The following FAM83H variants were observed in gnomAD, a reference collection of about 807,000 sequenced individuals.
FAM83H encodes scaffolding CK1 anchoring protein H, also known as protein FAM83H.
A neutral mutation model predicts 30.2 loss-of-function variants in FAM83H; 24 were observed. The ratio of observed to expected loss-of-function variants is 0.79; its 90% CI spans 0.57 to 1.12. The LOEUF (loss-of-function observed/expected upper bound fraction) is 1.12. Among genes scored for constraint, FAM83H ranks in the 50% most tolerant of loss-of-function variants. FAM83H has a pLI of 0.00. For missense variants in FAM83H, 2,038 were observed against 1,773.9 expected (o/e 1.15, Z -2.67); for synonymous variants, 1,013 against 821.7 (o/e 1.23, Z -3.98).
chr8:143,730,305 C>T lies in FAM83H; in HGVS notation c.278G>A (p.Gly93Asp), dbSNP rs782144279. 3.1e-6 allele frequency: 5 copies of T among 1,613,586 alleles called. No individual in the cohort carries two copies. Among genetic ancestry groups the T allele is most frequent in the East Asian group, 2.2e-5 (1 of 44,890 alleles). The change falls in exon 2 of 5, where the codon GGT becomes GAT. Residue 93 changes from glycine to aspartate, a missense_variant. Gly to Asp is a moderately conservative substitution (Grantham distance 94, BLOSUM62 -1). Transcript: ENST00000388913. Reference protein sequence around the residue: ...LLDVDMDGSSGTYWPVNSDQA... With the variant: ...LLDVDMDGSSDTYWPVNSDQA... ...GTCTGAGTTCACTGGCCAGTATGTACCCGAGGAGCCATCCATGTCCACGTC... is the reference window on the plus strand; with the variant it reads ...GTCTGAGTTCACTGGCCAGTATGTATCCGAGGAGCCATCCATGTCCACGTC...
At position 143,727,156 on chromosome 8, in the gene FAM83H, A is replaced by G. The variant is rs1818329952; in HGVS notation, c.2305T>C (p.Trp769Arg). ...SHSKAVVSQAWREEVAAPGAV... is the reference protein window; with the variant it reads ...SHSKAVVSQARREEVAAPGAV... The stretch of plus-strand genomic sequence containing the variant: ...CCTGGGGCCGCCACCTCTTCCCGCC[A>G]CGCCTGGGACACGACGGCCTTGCTG... The change falls in exon 5 of 5, where the codon TGG becomes CGG. Residue 769 changes from tryptophan (W) to arginine (R), a missense_variant. Coordinates refer to ENST00000388913, the MANE Select transcript of FAM83H (RefSeq NM_198488.5). The G allele has an allele frequency of 6.5e-7, 1 of 1,534,336 alleles. No homozygotes were observed. The highest frequency in any genetic ancestry group is 1.2e-5 in the South Asian group (1 of 84,046).
At position 143,727,800 on chromosome 8, in the gene FAM83H, G is replaced by A. The variant is rs1175442959; in HGVS notation, c.1661C>T (p.Ala554Val). ...GGGAGCGGGGTCTGGGCCCGGCCTC[G>A]CCGCGGCCTGGCATGGGAAGCGCTG... ...LTQRFPCQAA[A>V]RPGPDPAPEA... Residue 554 changes from alanine (A) to valine (V), a missense_variant, in exon 5 of 5, where the codon GCG becomes GTG. By Grantham distance (64) the Ala-to-Val change is moderately conservative (BLOSUM62 0). Coordinates refer to ENST00000388913, the MANE Select transcript of FAM83H (RefSeq NM_198488.5). 1.1e-4 allele frequency: 150 copies of A among 1,343,430 alleles called. No individual in the cohort carries two copies. The highest frequency in any genetic ancestry group is 1.4e-4 in the Non-Finnish European group (143 of 1,056,858). 83.2% of individuals were successfully genotyped at this position (1,343,430 alleles called of 1,614,324 possible). A position where few individuals can be genotyped will look rare whatever the true frequency, so the allele number is the denominator to read the frequency against.
chr8:143,733,415 G>C lies in FAM83H; in HGVS notation c.-16+276C>G, dbSNP rs552147369. Among the ~76,000 whole-genome samples the C allele has an allele frequency of 2.0e-4, 30 of 152,276 alleles. No individual in the cohort carries two copies. The East Asian group carries it at 5.0e-3, about 26-fold the overall frequency. On this transcript the variant is annotated intron_variant, in intron 1 of 4. Transcript: ENST00000388913. This position sits in a 1 kb window ranked among gnomAD's most constrained non-coding sequence, Gnocchi z 5.6. ...CGAGTCGGGACGGCCGGGCAGGCTC[G>C]ACCCGGATCCCGGGCCCCTTCCCCC...
chr8:143,731,677 T>C, intron 1 of FAM83H: 1 of 985,470 alleles, frequency 1.0e-6, no homozygotes, highest in South Asian at 4.7e-5. Context: ...CTGCAGGGCC[T>C]GCACTCCACA....
In FAM83H at chr8:143,727,538, C is replaced by T. The variant is rs782271166; in HGVS notation, c.1923G>A (p.Pro641=). 4.0e-5 allele frequency: 63 copies of T among 1,584,962 alleles called. No individual in the cohort carries two copies. Among genetic ancestry groups the T allele is most frequent in the Admixed American group, 1.7e-5 (1 of 58,602 alleles). ...TGCCGCCGCTGCCCGGGCCTGGCAC[C>T]GGGACCTTGGTGGGGAAGGCTGCTG... ...RVPAAFPTKV[P]VPGPGSGGNG... is the part of the protein sequence containing the mutation. Residue 641 remains proline, a synonymous_variant, in exon 5 of 5, where the codon CCG becomes CCA. Coordinates refer to ENST00000388913, the MANE Select transcript of FAM83H (RefSeq NM_198488.5).
chr8:143,732,248 GAGA>G, intron 1 of FAM83H: 6 of 985,444 alleles, frequency 6.1e-6, no homozygotes, highest in Non-Finnish European at 7.2e-6. Flanking sequence ...ACCGGCTTGG[GAGA>G]AGCTGTCCCA....
chr8:143,728,376 A>G lies in FAM83H; in HGVS notation c.1085T>C (p.Met362Thr). The change falls in exon 5 of 5, where the codon ATG (methionine) becomes ACG (threonine). Residue 362 changes from methionine (M) to threonine (T), a missense_variant. Transcript: ENST00000388913. Reference protein sequence around the residue: ...SAFRREEPPRMPGGALEPHAG... With the variant: ...SAFRREEPPRTPGGALEPHAG... ...GTGCGGTTCCAGCGCGCCCCCCGGCATCCGCGGCGGCTCCTCCCGGCGGAA... is the reference window on the plus strand; with the variant it reads ...GTGCGGTTCCAGCGCGCCCCCCGGCGTCCGCGGCGGCTCCTCCCGGCGGAA... 6.5e-7 allele frequency: 1 copy of G among 1,544,590 alleles called. No individual in the cohort carries two copies. The highest frequency in any genetic ancestry group is 1.4e-5 in the African/African-American group (1 of 72,830).
Position 143,725,948 on chromosome 8 carries a change from G to C in FAM83H, c.3513C>G (p.Ile1171Met), listed in dbSNP as rs536127621. 11 of 1,613,020 alleles carry C rather than the reference G, an allele frequency of 6.8e-6. No homozygotes were observed. The highest frequency in any genetic ancestry group is 5.0e-5 in the Admixed American group (3 of 60,018). ...DSKVGKFVPK[I>M]LGTFKSKK ...ACTTCTTGCTTTTGAACGTGCCCAGGATCTTGGGCACGAACTTGCCCACCT... is the reference window on the plus strand; with the variant it reads ...ACTTCTTGCTTTTGAACGTGCCCAGCATCTTGGGCACGAACTTGCCCACCT... The change falls in exon 5 of 5, where the codon ATC (isoleucine) becomes ATG (methionine). Residue 1171 changes from isoleucine (I) to methionine (M), a missense_variant. Physicochemically the swap from Ile to Met is conservative, Grantham distance 10. Transcript: ENST00000388913.
rs947536093 is a variant in FAM83H at position 143,726,069 on chromosome 8, C to G, written c.3392G>C (p.Arg1131Pro). Residue 1131 changes from arginine to proline, a missense_variant, in exon 5 of 5, where the codon CGC becomes CCC. Physicochemically the swap from Arg to Pro is moderately radical, Grantham distance 103. Transcript: ENST00000388913. ...GAAGACCTCGAAGCGGCTGTACACGCGCTTCTCCTTGCGCATGCTCTCCAT... is the reference window on the plus strand; with the variant it reads ...GAAGACCTCGAAGCGGCTGTACACGGGCTTCTCCTTGCGCATGCTCTCCAT... Reference protein sequence around the residue: ...RRMESMRKEKRVYSRFEVFCK... With the variant: ...RRMESMRKEKPVYSRFEVFCK... The G allele has an allele frequency of 6.2e-7, 1 of 1,612,202 alleles. No individual in the cohort carries two copies. The highest frequency in any genetic ancestry group is 8.5e-7 in the Non-Finnish European group (1 of 1,179,724).
At position 143,726,640 on chromosome 8, in the gene FAM83H, T is replaced by C. The variant is rs782099625; in HGVS notation, c.2821A>G (p.Ile941Val). The C allele has an allele frequency of 3.1e-6, 5 of 1,598,104 alleles. No individual in the cohort carries two copies. Among genetic ancestry groups the C allele is most frequent in the Non-Finnish European group, 4.2e-6 (5 of 1,177,676 alleles). ...CCGGCCTTCGGGGACTCCCCGGAGA[T>C]GGTAAGGGTGAGGCTGCCCCTGCGC... is the stretch of plus-strand genomic sequence containing the variant. Reference protein sequence around the residue: ...PERRGSLTLTISGESPKAGPA... With the variant: ...PERRGSLTLTVSGESPKAGPA... Residue 941 changes from isoleucine to valine, a missense_variant, in exon 5 of 5, where the codon ATC becomes GTC. By Grantham distance (29) the Ile-to-Val change is conservative. Transcript: ENST00000388913.
chr8:143,728,762 G>C lies in FAM83H; in HGVS notation c.738-39C>G, dbSNP rs781799283. On this transcript the variant is annotated intron_variant, in intron 4 of 4. Coordinates refer to ENST00000388913, the MANE Select transcript of FAM83H (RefSeq NM_198488.5). ...AGGGCCAGAGTCAAACCGAGCTGGA[G>C]CGAGGGCACTGCAGCCCCGTGGGCA... 3 of 1,598,528 alleles carry C rather than the reference G, an allele frequency of 1.9e-6. No homozygotes were observed. The South Asian group carries it at 3.3e-5, about 18-fold the overall frequency.
Position 143,723,938 on chromosome 8 carries a change from T to C in FAM83H, c.*1983A>G, listed in dbSNP as rs562615383. 1 of 152,344 alleles carries C rather than the reference T, an allele frequency of 6.6e-6. No homozygotes were observed. The highest frequency in any genetic ancestry group is 1.9e-4 in the East Asian group (1 of 5,194). The allele number at this position is 152,344 out of a possible 1,614,324, so 9.4% of individuals were successfully genotyped here. A position where few individuals can be genotyped will look rare whatever the true frequency, so the allele number is the denominator to read the frequency against. ...CACTGGGGAACATGCTAGAATACTT[T>C]GTGTGTTGTGTTTTATTAACACCAA... On this transcript the variant is annotated 3_prime_UTR_variant, in exon 5 of 5. Coordinates refer to ENST00000388913, the MANE Select transcript of FAM83H (RefSeq NM_198488.5).
rs782020520 is a variant in FAM83H, at chr8:143,726,299, G to A, written c.3162C>T (p.His1054=). The A allele has an allele frequency of 3.1e-5, 50 of 1,612,048 alleles. No homozygotes were observed. Among genetic ancestry groups the A allele is most frequent in the Non-Finnish European group, 4.1e-5 (48 of 1,179,742 alleles). ...LEQISAHGQK[H]RAVPAPSPGP... is the part of the protein sequence containing the mutation. Reference sequence around the variant, plus strand: ...CGGGGCTCGGGGCAGGGACCGCACGGTGCTTCTGGCCGTGGGCACTGATCT... The same window carrying A: ...CGGGGCTCGGGGCAGGGACCGCACGATGCTTCTGGCCGTGGGCACTGATCT... The change falls in exon 5 of 5, where the codon CAC becomes CAT. Residue 1054 remains histidine, a synonymous_variant. Coordinates refer to ENST00000388913, the MANE Select transcript of FAM83H (RefSeq NM_198488.5).
Position 143,728,047 on chromosome 8 carries a change from G to A in FAM83H, c.1414C>T (p.Leu472=). Residue 472 remains leucine (L), a synonymous_variant, in exon 5 of 5, where the codon CTG becomes TTG. Coordinates refer to ENST00000388913, the MANE Select transcript of FAM83H (RefSeq NM_198488.5). ...CGGCCCCCGCGAAGCTTCTCGAACA[G>A]GCCTTGCGGGCGCGCCGGCGTGAGC... ...PQLTPARPQG[L]FEKLRGGRAG... 2 of 1,609,276 alleles carry A rather than the reference G, an allele frequency of 1.2e-6. No individual in the cohort carries two copies. The highest frequency in any genetic ancestry group is 8.5e-7 in the Non-Finnish European group (1 of 1,179,254).
In FAM83H at chr8:143,726,940, G is replaced by T; in HGVS notation, c.2521C>A (p.His841Asn). ...LPSRFLSAQS[H>N]STSPQGLDSP... ...TCCAGCCCTTGCGGGGACGTTGAGTGGCTCTGGGCAGAGAGGAAGCGGGAA... is the reference window on the plus strand; with the variant it reads ...TCCAGCCCTTGCGGGGACGTTGAGTTGCTCTGGGCAGAGAGGAAGCGGGAA... Residue 841 changes from histidine to asparagine, a missense_variant, in exon 5 of 5, where the codon CAC becomes AAC. Physicochemically the swap from His to Asn is moderately conservative, Grantham distance 68. Transcript: ENST00000388913. The T allele has an allele frequency of 1.2e-6, 2 of 1,611,508 alleles. No individual in the cohort carries two copies.
In FAM83H at chr8:143,730,585, T is replaced by G. The variant is rs200131096; in HGVS notation, c.-3A>C. 6.5e-7 allele frequency: 1 copy of G among 1,542,936 alleles called. No individual in the cohort carries two copies. Among genetic ancestry groups the G allele is most frequent in the African/African-American group, 1.4e-5 (1 of 73,594 alleles). On this transcript the variant is annotated 5_prime_UTR_variant, in exon 2 of 5. Transcript: ENST00000388913. ...GAGCTCTGAGAGCGACGGGCCATGTTGGGGCCAGGGGCCTGGAGGGGCAGG... is the reference window on the plus strand; with the variant it reads ...GAGCTCTGAGAGCGACGGGCCATGTGGGGGCCAGGGGCCTGGAGGGGCAGG...
chr8:143,728,905 G>T (rs531539278), intron 4 of FAM83H, 62 bp downstream of exon 4: 3 of 1,611,416 alleles, frequency 1.9e-6, no homozygotes, highest in South Asian at 1.1e-5. Flanking sequence ...GTGTGGAAAG[G>T]GGGTGCTGGG....
At position 143,726,311 on chromosome 8, in the gene FAM83H, G is replaced by A. The variant is rs782568800; in HGVS notation, c.3150C>T (p.His1050=). Residue 1050 remains histidine, a synonymous_variant, in exon 5 of 5, where the codon CAC becomes CAT. Coordinates refer to ENST00000388913, the MANE Select transcript of FAM83H (RefSeq NM_198488.5). ...CAGGGACCGCACGGTGCTTCTGGCC[G>A]TGGGCACTGATCTGCTCCAGAATGG... ...TKAILEQISA[H]GQKHRAVPAP... The A allele has an allele frequency of 8.1e-6, 13 of 1,612,056 alleles. No individual in the cohort carries two copies. The highest frequency in any genetic ancestry group is 2.2e-5 in the East Asian group (1 of 44,866).
intron 1 of FAM83H, among the ~76,000 whole-genome samples, chr8:143,730,847 TC>T (rs2129694856): frequency 6.6e-6 from 1 of 152,240 alleles, no homozygotes; most frequent in East Asian, 1.9e-4. Flanking sequence ...GTCTCTCCTT[TC>T]TCTGGGAGGC....
Sources: allele counts gnomAD v4.1 joint callset (sites outside exome capture counted in the v4.1 genomes callset), GRCh38; gene constraint gnomAD v4.1.1; non-coding constraint Gnocchi (gnomAD v3.1); transcripts MANE v1.5; gene names NCBI Gene and HGNC (gene_info 2026-07-23, HGNC 2026-07-21).